Variants in LRRC4C observed in about 807,000 individuals in gnomAD.
LRRC4C encodes the protein leucine rich repeat containing 4C.
Under a neutral mutation model 33.6 loss-of-function variants are expected in LRRC4C, and 5 were observed. The ratio of observed to expected loss-of-function variants is 0.15; its 90% CI spans 0.08 to 0.31. LRRC4C has a LOEUF of 0.31. LRRC4C is among the 10% of genes least tolerant of loss of function. LRRC4C has a pLI of 1.00. For synonymous variants in LRRC4C, 329 were observed against 302.0 expected (o/e 1.09, Z -0.93); for missense variants, 560 against 796.7 (o/e 0.70, Z 3.58).
At chr11:40,403,360 C>T (rs1949835445) in intron 3 of LRRC4C, among the ~76,000 whole-genome samples, 1 of 152,042 alleles carries the variant, frequency 6.6e-6, no homozygotes, top group African/African-American at 2.4e-5. Context: ...ACTAAATAGT[C>T]CACAAATTAT....
At chr11:40,124,352 C>T (rs911354642) in intron 6 of LRRC4C, among the ~76,000 whole-genome samples, 4 of 152,158 alleles carry the variant, frequency 2.6e-5, no homozygotes, top group African/African-American at 7.2e-5. Context: ...AATATCTGCA[C>T]TCCCATGTTT....
At chr11:40,359,181 G>A (rs1480875010) in intron 3 of LRRC4C, among the ~76,000 whole-genome samples, 1 of 152,316 alleles carries the variant, frequency 6.6e-6, no homozygotes, top group Middle Eastern at 3.4e-3. Flanking sequence ...AAGAAGTTGA[G>A]ATACATGTGC....
At chr11:41,376,765 CATTG>C (rs1181923567) in intron 1 of LRRC4C, among the ~76,000 whole-genome samples, 1 of 151,772 alleles carries the variant, frequency 6.6e-6, no homozygotes, top group African/African-American at 2.4e-5. Context: ...ATTATAAACA[CATTG>C]ATAAAAATAT....
At chr11:41,403,889 A>G (rs1362289275) in intron 1 of LRRC4C, among the ~76,000 whole-genome samples, 1 of 152,050 alleles carries the variant, frequency 6.6e-6, no homozygotes, top group Non-Finnish European at 1.5e-5. Context: ...CTACAGTGGA[A>G]CTTGTTATTT....
chr11:40,699,886 T>G (rs912945270), intron 2 of LRRC4C, among the ~76,000 whole-genome samples: 1 of 152,194 alleles, frequency 6.6e-6, no homozygotes, highest in Admixed American at 6.5e-5. Context: ...TTCAATTAAA[T>G]ATACACAAAG....
intron 5 of LRRC4C, among the ~76,000 whole-genome samples, chr11:40,163,603 G>A (rs184156601): frequency 8.5e-5 from 13 of 152,222 alleles, no homozygotes; most frequent in African/African-American, 2.6e-4. Context: ...TGTTATGTAT[G>A]AATTGGACTA....
At chr11:40,667,069 T>C (rs1186919011) in intron 2 of LRRC4C, among the ~76,000 whole-genome samples, 1 of 152,194 alleles carries the variant, frequency 6.6e-6, no homozygotes, top group Non-Finnish European at 1.5e-5. Flanking sequence ...CAAAATGTAG[T>C]TGCACTCACC....
At chr11:40,447,623 A>C (rs1015794476) in intron 3 of LRRC4C, among the ~76,000 whole-genome samples, 5 of 152,194 alleles carry the variant, frequency 3.3e-5, no homozygotes, top group African/African-American at 7.2e-5. Context: ...AAGACTCAAG[A>C]AAATTATGTT....
At chr11:40,685,218 C>T (rs1332153797) in intron 2 of LRRC4C, among the ~76,000 whole-genome samples, 1 of 151,936 alleles carries the variant, frequency 6.6e-6, no homozygotes, top group African/African-American at 2.4e-5. Flanking sequence ...TCTTTGAAGG[C>T]CAAATTATTT....
intron 1 of LRRC4C, among the ~76,000 whole-genome samples, chr11:41,040,495 T>C (rs1857368403): frequency 6.6e-6 from 1 of 152,186 alleles, no homozygotes; most frequent in Non-Finnish European, 1.5e-5. Flanking sequence ...TGAATTAATT[T>C]AGCATTGTGC....
At chr11:41,302,827 A>T (rs2137089482) in intron 1 of LRRC4C, among the ~76,000 whole-genome samples, 1 of 152,268 alleles carries the variant, frequency 6.6e-6, no homozygotes. Context: ...GTGACCTAGA[A>T]TATCACAATT....
intron 3 of LRRC4C, among the ~76,000 whole-genome samples, chr11:40,526,264 A>G (rs921820532): frequency 2.6e-5 from 4 of 152,192 alleles, no homozygotes; most frequent in Admixed American, 1.3e-4. Flanking sequence ...TTTGTTAATG[A>G]AAGTTACCAT....
intron 3 of LRRC4C, among the ~76,000 whole-genome samples, chr11:40,628,245 A>G (rs1963138454): frequency 6.6e-6 from 1 of 152,202 alleles, no homozygotes; most frequent in Non-Finnish European, 1.5e-5. Context: ...TGGGAGGCCA[A>G]GGCAGGCGGA....
intron 1 of LRRC4C, among the ~76,000 whole-genome samples, chr11:40,966,928 A>G (rs1034156457): frequency 2.0e-5 from 3 of 151,870 alleles, no homozygotes; most frequent in Non-Finnish European, 2.9e-5. Flanking sequence ...TAGTTCTAGT[A>G]AAAGAAAAAC....
At chr11:40,559,135 T>C (rs903007599) in intron 3 of LRRC4C, among the ~76,000 whole-genome samples, 2 of 152,110 alleles carry the variant, frequency 1.3e-5, no homozygotes, top group African/African-American at 4.8e-5. Context: ...ATTCAATTTG[T>C]TTGCTATTGT....
At chr11:40,972,738 A>G (rs1851813089) in intron 1 of LRRC4C, among the ~76,000 whole-genome samples, 1 of 152,154 alleles carries the variant, frequency 6.6e-6, no homozygotes, top group African/African-American at 2.4e-5. Context: ...CATGAGAACA[A>G]CATGGGGGGA....
chr11:40,904,589 A>C (rs1255724362), intron 2 of LRRC4C, among the ~76,000 whole-genome samples: 3 of 152,098 alleles, frequency 2.0e-5, no homozygotes, highest in Non-Finnish European at 4.4e-5. Flanking sequence ...ATTCTGGGGG[A>C]GTGGCAAGTT....
chr11:40,318,781 T>TGA (rs1169336757), intron 4 of LRRC4C, among the ~76,000 whole-genome samples: 1 of 152,182 alleles, frequency 6.6e-6, no homozygotes, highest in African/African-American at 2.4e-5. Context: ...CTATCTGCAA[T>TGA]GGGTTTTTAT....
At chr11:40,185,435 C>T (rs559433544) in intron 5 of LRRC4C, among the ~76,000 whole-genome samples, 1 of 152,170 alleles carries the variant, frequency 6.6e-6, no homozygotes, top group African/African-American at 2.4e-5. Context: ...CTTTCCCATA[C>T]AGGGACTGAC....
Sources: gnomAD v4.1 joint callset for allele counts (sites outside exome capture counted in the v4.1 genomes callset) on GRCh38, gnomAD v4.1.1 for gene constraint, MANE v1.5 for transcripts, NCBI Gene and HGNC (gene_info 2026-07-23, HGNC 2026-07-21) for gene names.